The following DPY19L3 variants were observed in gnomAD, a reference collection of about 807,000 sequenced individuals.
The protein encoded by DPY19L3 is protein C-mannosyl-transferase DPY19L3.
DPY19L3 carries 51 observed loss-of-function variants against 92.3 expected under a neutral mutation model. That is an observed-to-expected ratio of 0.55 (90% CI 0.44 to 0.70). The LOEUF is 0.70. DPY19L3 is among the 30% of genes least tolerant of loss of function. The probability of loss-of-function intolerance (pLI) is 0.00; values close to 1 mark genes in which losing one functional copy is unlikely to be tolerated. For missense variants in DPY19L3, 706 were observed against 855.9 expected (o/e 0.82, Z 2.18); for synonymous variants, 309 against 315.2 (o/e 0.98, Z 0.21).
In DPY19L3 at chr19:32,467,524, C is replaced by G. The variant is rs985319256; in HGVS notation, c.1615-1207C>G. ...CCCATCACTAGCAATTTTCCTGATTCACCCACCCAGGAGACAAGATTTGAA... is the reference window on the plus strand; with the variant it reads ...CCCATCACTAGCAATTTTCCTGATTGACCCACCCAGGAGACAAGATTTGAA... On this transcript the variant is annotated intron_variant, in intron 15 of 18. Transcript: ENST00000392250. 6 of 987,612 alleles carry G rather than the reference C, an allele frequency of 6.1e-6. No individual in the cohort carries two copies. In the African/African-American group the frequency reaches 7.0e-5, roughly 11 times the overall value. The allele number at this position is 987,612 out of a possible 1,614,324, so 61.2% of individuals were successfully genotyped here.
At chr19:32,428,910 C>A (rs1442279245) in intron 3 of DPY19L3, among the ~76,000 whole-genome samples, 1 of 151,348 alleles carries the variant, frequency 6.6e-6, no homozygotes. Flanking sequence ...TGCAGTGGTG[C>A]GATCTCAGCT....
At position 32,479,280 on chromosome 19, in the gene DPY19L3, G is replaced by C. The variant is rs187562601; in HGVS notation, c.1831-1119G>C. On this transcript the variant is annotated intron_variant, in intron 17 of 18. Coordinates refer to ENST00000392250, the MANE Select transcript of DPY19L3 (RefSeq NM_001172774.2). ...AATTAACTAGGAGGATGCAGGAAAG[G>C]GGCTCCCTGGCTTTCCAGGCACCAG... Among the ~76,000 whole-genome samples, 21 of 152,060 alleles carry C rather than the reference G, an allele frequency of 1.4e-4. No individual in the cohort carries two copies. In the East Asian group the frequency reaches 3.9e-3, roughly 28 times the overall value.
In DPY19L3 at chr19:32,458,139, T is replaced by C; in HGVS notation, c.1129T>C (p.Phe377Leu). Residue 377 changes from phenylalanine (F) to leucine (L), a missense_variant, in exon 11 of 19, where the codon TTT becomes CTT. By Grantham distance (22) the Phe-to-Leu change is conservative (BLOSUM62 0). Coordinates refer to ENST00000392250, the MANE Select transcript of DPY19L3 (RefSeq NM_001172774.2). The part of the protein sequence containing the change: ...NLKSDEHIFK[F>L]LKAKFGLGAT... ...GAAGTCAGATGAACACATATTTAAA[T>C]TTCTGAAGGCAAAATTTGGGCTTGG... is the stretch of plus-strand genomic sequence containing the variant. The C allele has an allele frequency of 1.2e-6, 2 of 1,613,828 alleles. No homozygotes were observed. Among genetic ancestry groups the C allele is most frequent in the South Asian group, 2.2e-5 (2 of 90,976 alleles).
chr19:32,476,154 T>G (rs1970501841), intron 16 of DPY19L3, among the ~76,000 whole-genome samples: 1 of 152,142 alleles, frequency 6.6e-6, no homozygotes, highest in East Asian at 1.9e-4. Context: ...GCTGGAGTCT[T>G]AGCGCTGAGT....
chr19:32,443,573 C>G (rs758378301), intron 8 of DPY19L3, among the ~76,000 whole-genome samples: 1 of 152,008 alleles, frequency 6.6e-6, no homozygotes. Context: ...TCTGCCAGTT[C>G]CTTGATCTTG....
chr19:32,437,734 C>A (rs1969190433), intron 6 of DPY19L3, among the ~76,000 whole-genome samples: 1 of 151,512 alleles, frequency 6.6e-6, no homozygotes, highest in South Asian at 2.1e-4. Flanking sequence ...GTATAGTGAT[C>A]AGATCAAGGT....
chr19:32,480,436 T>G lies in DPY19L3; in HGVS notation c.1868T>G (p.Val623Gly). The G allele has an allele frequency of 6.2e-7, 1 of 1,613,964 alleles. No homozygotes were observed. The highest frequency in any genetic ancestry group is 8.5e-7 in the Non-Finnish European group (1 of 1,179,936). Residue 623 changes from valine to glycine, a missense_variant, in exon 18 of 19, where the codon GTG becomes GGG. Transcript: ENST00000392250. Reference protein sequence around the residue: ...QIYAKRAPEEVHALLRSFGTD... With the variant: ...QIYAKRAPEEGHALLRSFGTD... ...TATGCCAAGAGGGCACCAGAGGAAGTGCATGCCCTCCTAAGGTCCTTCGGC... is the reference window on the plus strand; with the variant it reads ...TATGCCAAGAGGGCACCAGAGGAAGGGCATGCCCTCCTAAGGTCCTTCGGC...
At chr19:32,414,047 C>T (rs763717971) in intron 3 of DPY19L3, among the ~76,000 whole-genome samples, 2 of 152,030 alleles carry the variant, frequency 1.3e-5, no homozygotes, top group Non-Finnish European at 2.9e-5. Context: ...GGAGTGCTGG[C>T]AGGGCGTGGT....
At chr19:32,465,893 T>TA (rs1359879233) in intron 15 of DPY19L3, among the ~76,000 whole-genome samples, 1 of 152,218 alleles carries the variant, frequency 6.6e-6, no homozygotes, top group African/African-American at 2.4e-5. Flanking sequence ...AACTGAAACT[T>TA]ACTAAAAACA....
intron 15 of DPY19L3, among the ~76,000 whole-genome samples, chr19:32,465,740 T>C (rs938781753): frequency 6.6e-6 from 1 of 152,150 alleles, no homozygotes; most frequent in Non-Finnish European, 1.5e-5. Context: ...TGTAAATATT[T>C]CAAAAAAATG....
At chr19:32,415,983 A>C (rs930491420) in intron 3 of DPY19L3, among the ~76,000 whole-genome samples, 2 of 152,208 alleles carry the variant, frequency 1.3e-5, no homozygotes, top group East Asian at 3.8e-4. Flanking sequence ...CCAAGCTAAG[A>C]TCTGCGAGAA....
chr19:32,433,688 G>T (rs1212187435), intron 4 of DPY19L3, among the ~76,000 whole-genome samples: 1 of 152,216 alleles, frequency 6.6e-6, no homozygotes, highest in South Asian at 2.1e-4. Flanking sequence ...CTCCCAGTGT[G>T]TTGGAATTAT....
chr19:32,477,667 A>G lies in DPY19L3; in HGVS notation c.1830+13A>G. The G allele has an allele frequency of 1.2e-6, 2 of 1,613,732 alleles. No homozygotes were observed. Among genetic ancestry groups the G allele is most frequent in the South Asian group, 1.1e-5 (1 of 91,056 alleles). ...GCGGACCAGAGCGGTGAGGCTCCCC[A>G]GTGCCTCCCCTCGCTTCTTGTGGGC... On this transcript the variant is annotated intron_variant, in intron 17 of 18. Transcript: ENST00000392250.
intron 4 of DPY19L3, among the ~76,000 whole-genome samples, chr19:32,434,220 C>G (rs548892910): frequency 4.6e-5 from 7 of 152,302 alleles, no homozygotes; most frequent in South Asian, 2.1e-4. Context: ...ATACTTTAGC[C>G]TCTGGCATGC....
intron 3 of DPY19L3, among the ~76,000 whole-genome samples, chr19:32,415,225 A>G (rs1036299547): frequency 2.6e-5 from 4 of 152,218 alleles, no homozygotes; most frequent in African/African-American, 4.8e-5. Context: ...GATAGAGAGC[A>G]CTGTGGGAGC....
chr19:32,480,707 G>T (rs764505457), intron 18 of DPY19L3, 150 bp downstream of exon 18: 1 of 1,115,578 alleles, frequency 9.0e-7, no homozygotes, highest in Non-Finnish European at 1.2e-6. Flanking sequence ...TCCTACAGAA[G>T]CCCTCTCTTG....
intron 8 of DPY19L3, among the ~76,000 whole-genome samples, chr19:32,445,813 C>T (rs1199259708): frequency 1.3e-5 from 2 of 152,196 alleles, no homozygotes; most frequent in East Asian, 3.9e-4. Context: ...CCAGCCTGGC[C>T]AACATGGCGA....
chr19:32,463,208 T>C (rs1010921759), intron 12 of DPY19L3, among the ~76,000 whole-genome samples, 158 bp from the exon 13 acceptor site: 12 of 152,230 alleles, frequency 7.9e-5, no homozygotes, highest in Non-Finnish European at 1.5e-4. Flanking sequence ...TTTAGCCTCA[T>C]AAATTCAAAA....
chr19:32,407,981 G>A (rs183874705), intron 1 of DPY19L3, among the ~76,000 whole-genome samples: 121 of 151,984 alleles, frequency 8.0e-4, no homozygotes, highest in African/African-American at 2.7e-3. Context: ...CCAGATACTC[G>A]GGAGGCTGAG....
Sources: gnomAD v4.1 joint callset for allele counts (sites outside exome capture counted in the v4.1 genomes callset) on GRCh38, gnomAD v4.1.1 for gene constraint, MANE v1.5 for transcripts, NCBI Gene and HGNC (gene_info 2026-07-23, HGNC 2026-07-21) for gene names.